The following IQSEC1 variants were observed in gnomAD, a reference collection of about 807,000 sequenced individuals.
The protein encoded by IQSEC1 is IQ motif and SEC7 domain-containing protein 1.
In IQSEC1, 31 loss-of-function variants were observed where a neutral mutation model predicts 91.0. The observed-to-expected ratio is 0.34, with a 90% confidence interval of 0.26 to 0.46. The LOEUF (loss-of-function observed/expected upper bound fraction) is 0.46, where lower values mean the gene tolerates loss of function less well. Ranked by LOEUF, IQSEC1 falls within the 20% of genes least tolerant of loss-of-function variation. The probability of loss-of-function intolerance (pLI) is 1.00; values close to 1 mark genes in which losing one functional copy is unlikely to be tolerated. For missense variants in IQSEC1, 1,388 were observed against 1,575.6 expected (o/e 0.88, Z 2.02); for synonymous variants, 699 against 662.6 (o/e 1.05, Z -0.84).
chr3:13,184,422 G>C (rs765609347), intron 1 of IQSEC1, among the ~76,000 whole-genome samples: 1 of 152,226 alleles, frequency 6.6e-6, no homozygotes, highest in Non-Finnish European at 1.5e-5. Flanking sequence ...TTCATGATGA[G>C]AATTCTCTGC....
chr3:13,280,345 G>A (rs1434443411), intron 1 of IQSEC1, among the ~76,000 whole-genome samples: 1 of 152,210 alleles, frequency 6.6e-6, no homozygotes, highest in East Asian at 1.9e-4. Flanking sequence ...GTTATCCCAT[G>A]TTCCTTAGGC....
Position 12,901,111 on chromosome 3 carries a change from C to T in IQSEC1, c.3217G>A (p.Ala1073Thr), listed in dbSNP as rs1694229500. The change falls in exon 14 of 14, where the codon GCC (alanine) becomes ACC (threonine). Residue 1073 changes from alanine (A) to threonine (T), a missense_variant. Around this residue, in one of 2 missense-constraint regions of IQSEC1, gnomAD observed 329 missense variants for 257.8 expected, o/e 1.28. Coordinates refer to ENST00000613206, the MANE Select transcript of IQSEC1 (RefSeq NM_001134382.3). ...GAGGGCAGCGGCGGGTGGCCGTGGG[C>T]ATGGGCCCCGTAGGCTGGGTGGCCC... The part of the protein sequence containing the change: ...HGGHPAYGAH[A>T]HGHPPLPSAH... 6.5e-7 allele frequency: 1 copy of T among 1,539,676 alleles called. No homozygotes were observed. The highest frequency in any genetic ancestry group is 2.0e-5 in the Admixed American group (1 of 50,714).
At chr3:13,280,643 C>G (rs888410967) in intron 1 of IQSEC1, among the ~76,000 whole-genome samples, 1 of 152,204 alleles carries the variant, frequency 6.6e-6, no homozygotes, top group Non-Finnish European at 1.5e-5. Context: ...CCCTGGGGTC[C>G]GGGCCCAGCA....
intron 1 of IQSEC1, among the ~76,000 whole-genome samples, chr3:13,166,409 G>A (rs2124991654): frequency 6.6e-6 from 1 of 152,328 alleles, no homozygotes; most frequent in Non-Finnish European, 1.5e-5. Context: ...AGGCATAGCA[G>A]TGCAGTCACG....
chr3:13,080,900 G>A (rs768781908), intron 2 of IQSEC1, among the ~76,000 whole-genome samples: 2 of 152,100 alleles, frequency 1.3e-5, no homozygotes, highest in Non-Finnish European at 2.9e-5. Context: ...CCAAAATAAG[G>A]GCTAAGCTTT....
chr3:12,936,816 G>C (rs970836422), intron 2 of IQSEC1, 119 bp from the exon 3 acceptor site: 4 of 969,486 alleles, frequency 4.1e-6, no homozygotes, highest in Non-Finnish European at 5.9e-6. Context: ...CCCAAAGTTG[G>C]TCAAAGCAAC....
At chr3:13,213,066 T>C (rs962077279) in intron 1 of IQSEC1, among the ~76,000 whole-genome samples, 1 of 152,260 alleles carries the variant, frequency 6.6e-6, no homozygotes, top group Non-Finnish European at 1.5e-5. Context: ...TGGGGTCCAA[T>C]TTATCTACTT....
chr3:13,271,430 C>T (rs1036236535), intron 1 of IQSEC1, among the ~76,000 whole-genome samples: 26 of 152,038 alleles, frequency 1.7e-4, no homozygotes, highest in Non-Finnish European at 3.1e-4. Context: ...TTTGTGCACT[C>T]AACAACAGAA....
intron 2 of IQSEC1, among the ~76,000 whole-genome samples, chr3:13,119,200 A>G (rs1437394951): frequency 6.6e-6 from 1 of 152,188 alleles, no homozygotes; most frequent in Non-Finnish European, 1.5e-5. Flanking sequence ...AATATTTAAG[A>G]ATATTATTAT....
intron 3 of IQSEC1, among the ~76,000 whole-genome samples, chr3:12,931,915 A>T (rs2125273698): frequency 6.6e-6 from 1 of 152,204 alleles, no homozygotes; most frequent in Non-Finnish European, 1.5e-5. Flanking sequence ...ACACTGTCAC[A>T]CCAGGTGGCC....
intron 1 of IQSEC1, among the ~76,000 whole-genome samples, chr3:13,176,944 A>G (rs1290130121): frequency 6.6e-6 from 1 of 152,264 alleles, no homozygotes; most frequent in Non-Finnish European, 1.5e-5. Flanking sequence ...TAAAGAAGCC[A>G]GGTACAACAG....
intron 1 of IQSEC1, among the ~76,000 whole-genome samples, chr3:13,204,810 T>C (rs923169187): frequency 1.9e-4 from 29 of 151,330 alleles, no homozygotes; most frequent in Admixed American, 3.3e-4. Context: ...TCTTTCTTTT[T>C]TTTTTTTTTG....
intron 1 of IQSEC1, among the ~76,000 whole-genome samples, chr3:13,252,979 G>A (rs1306359194): frequency 6.6e-6 from 1 of 152,084 alleles, no homozygotes; most frequent in South Asian, 2.1e-4. Context: ...TGATCCGCCC[G>A]CCTCGGCCTC....
chr3:13,241,041 AC>A (rs1385146134), intron 1 of IQSEC1, among the ~76,000 whole-genome samples: 1 of 152,152 alleles, frequency 6.6e-6, no homozygotes, highest in African/African-American at 2.4e-5. Context: ...ACGTCTCCAA[AC>A]CAGGCACTTG....
Position 12,898,591 on chromosome 3 carries a change from T to C in IQSEC1, c.*2392A>G, listed in dbSNP as rs1407813026. ...TTTTCTGTCTGTTCCTATTCATTACTGCTACCCTTCAGAAAGAGCAATTCT... is the reference window on the plus strand; with the variant it reads ...TTTTCTGTCTGTTCCTATTCATTACCGCTACCCTTCAGAAAGAGCAATTCT... On this transcript the variant is annotated 3_prime_UTR_variant, in exon 14 of 14. Coordinates refer to ENST00000613206, the MANE Select transcript of IQSEC1 (RefSeq NM_001134382.3). The C allele has an allele frequency of 2.0e-5, 3 of 152,182 alleles. No homozygotes were observed. The highest frequency in any genetic ancestry group is 4.8e-5 in the African/African-American group (2 of 41,452). The allele number at this position is 152,182 out of a possible 1,614,324, so 9.4% of individuals were successfully genotyped here. A position where few individuals can be genotyped will look rare whatever the true frequency, so the allele number is the denominator to read the frequency against.
In IQSEC1 at chr3:12,920,698, G is replaced by C. The variant is rs1168035214; in HGVS notation, c.1854-102C>G. On this transcript the variant is annotated intron_variant, in intron 5 of 13. Coordinates refer to ENST00000613206, the MANE Select transcript of IQSEC1 (RefSeq NM_001134382.3). ...CATGTGCCGCTAAGCCTCAGCTCCT[G>C]CTTCTGGTGAGCGAGGATCACACCT... 3 of 1,253,252 alleles carry C rather than the reference G, an allele frequency of 2.4e-6. No individual in the cohort carries two copies. In the South Asian group the frequency reaches 3.9e-5, roughly 16 times the overall value. The allele number at this position is 1,253,252 out of a possible 1,614,324, so 77.6% of individuals were successfully genotyped here. A position where few individuals can be genotyped will look rare whatever the true frequency, so the allele number is the denominator to read the frequency against.
intron 1 of IQSEC1, among the ~76,000 whole-genome samples, chr3:13,039,992 C>T (rs1559735940): frequency 6.6e-6 from 1 of 152,248 alleles, no homozygotes; most frequent in Non-Finnish European, 1.5e-5. Context: ...AGAATCATGA[C>T]TCCACTTCGT....
chr3:12,947,667 G>T (rs1021419775), intron 1 of IQSEC1, among the ~76,000 whole-genome samples: 1 of 152,150 alleles, frequency 6.6e-6, no homozygotes, highest in African/African-American at 2.4e-5. Flanking sequence ...CCTGGTGGTG[G>T]GACAGGCCAA....
Position 13,147,427 on chromosome 3 carries a change from C to T in IQSEC1, c.302+16677G>A, listed in dbSNP as rs1450435993. On this transcript the variant is annotated intron_variant, in intron 2 of 15. Transcript: ENST00000648114. ...TGAGAACATGGCAGTTTTTGTTTTC[C>T]ACTCCTGAGTTACTTCACTTAGAAT... 7.2e-5 allele frequency among the ~76,000 whole-genome samples: 11 copies of T among 151,728 alleles called. No individual in the cohort carries two copies. In the East Asian group the frequency reaches 1.9e-3, roughly 27 times the overall value.
Sources: gnomAD v4.1 joint callset for allele counts (sites outside exome capture counted in the v4.1 genomes callset) on GRCh38, gnomAD v4.1.1 for gene constraint, gnomAD v4.1.1 regional missense constraint, MANE v1.5 for transcripts, NCBI Gene and HGNC (gene_info 2026-07-23, HGNC 2026-07-21) for gene names.